Variants in POLR1B observed in about 807,000 individuals in gnomAD.
POLR1B encodes the protein DNA-directed RNA polymerase I subunit RPA2.
In POLR1B, 30 loss-of-function variants were observed where a neutral mutation model predicts 105.8. The observed-to-expected ratio is 0.28, with a 90% confidence interval of 0.21 to 0.38. POLR1B has a LOEUF of 0.38. Among genes scored for constraint, POLR1B ranks in the 10% least tolerant of loss-of-function variants. POLR1B has a pLI of 1.00. For missense variants in POLR1B, 976 were observed against 1,435.8 expected, an observed-to-expected ratio of 0.68 and a Z score of 5.17; for synonymous variants, 485 against 505.1, an observed-to-expected ratio of 0.96 and a Z score of 0.53.
intron 9 of POLR1B, among the ~76,000 whole-genome samples, chr2:112,561,620 TAGCC>T (rs1220790843): frequency 6.6e-6 from 1 of 152,190 alleles, no homozygotes; most frequent in Non-Finnish European, 1.5e-5. Context: ...GATCAATATG[TAGCC>T]TTGTTTTTTG....
chr2:112,553,050 TTAA>T (rs1425894898), intron 7 of POLR1B, among the ~76,000 whole-genome samples: 2 of 152,260 alleles, frequency 1.3e-5, no homozygotes, highest in African/African-American at 4.8e-5. Flanking sequence ...GGTCACAGTG[TTAA>T]TGATAAAAAG....
rs1367464827 is a variant in POLR1B at position 112,578,776 on chromosome 2, T to TA, written c.*3048dup. On this transcript the variant is annotated 3_prime_UTR_variant, in exon 15 of 15. Coordinates refer to ENST00000263331, the MANE Select transcript of POLR1B (RefSeq NM_019014.6). ...GTCCTCTATATATTTTTTCTATACA[T>TA]ACATACCTTTGATGTTTAATTAAGC... Among the ~76,000 whole-genome samples, 1 of 152,212 alleles carries TA rather than the reference T, an allele frequency of 6.6e-6. No individual in the cohort carries two copies. Among genetic ancestry groups the TA allele is most frequent in the African/African-American group, 2.4e-5 (1 of 41,454 alleles).
In POLR1B at chr2:112,579,461, C is replaced by G. The variant is rs1475374299; in HGVS notation, c.*3732C>G. 1.3e-5 allele frequency: 2 copies of G among 152,092 alleles called. No individual in the cohort carries two copies. The highest frequency in any genetic ancestry group is 2.9e-5 in the Non-Finnish European group (2 of 68,024). The allele number at this position is 152,092 out of a possible 1,614,324, so 9.4% of individuals were successfully genotyped here. A position where few individuals can be genotyped will look rare whatever the true frequency, so the allele number is the denominator to read the frequency against. On this transcript the variant is annotated 3_prime_UTR_variant, in exon 15 of 15. Coordinates refer to ENST00000263331, the MANE Select transcript of POLR1B (RefSeq NM_019014.6). Reference sequence around the variant, plus strand: ...ATTTCTTGGCATTCTGACCAACCAGCATTTGGTGATGTCACTTTTTTTTTA... The same window carrying G: ...ATTTCTTGGCATTCTGACCAACCAGGATTTGGTGATGTCACTTTTTTTTTA...
At chr2:112,563,609 C>A (rs972771129) in intron 9 of POLR1B, among the ~76,000 whole-genome samples, 2 of 152,110 alleles carry the variant, frequency 1.3e-5, no homozygotes, top group Non-Finnish European at 2.9e-5. Flanking sequence ...TCTCAAGAAA[C>A]CATTTCTGCT....
Position 112,563,116 on chromosome 2 carries a change from G to A in POLR1B, c.1613-1250G>A, listed in dbSNP as rs1397308171. 6.7e-5 allele frequency among the ~76,000 whole-genome samples: 10 copies of A among 149,164 alleles called. No homozygotes were observed. The East Asian group carries it at 1.2e-3, about 18-fold the overall frequency. On this transcript the variant is annotated intron_variant, in intron 9 of 14. Coordinates refer to ENST00000263331, the MANE Select transcript of POLR1B (RefSeq NM_019014.6). ...GTCACCCAGGCTGGAGTGCAGTGGCGTGATCTCGGCTCACTGTAAGCTCTG... is the reference window on the plus strand; with the variant it reads ...GTCACCCAGGCTGGAGTGCAGTGGCATGATCTCGGCTCACTGTAAGCTCTG...
At chr2:112,557,663 G>A (rs1389868798) in intron 7 of POLR1B, among the ~76,000 whole-genome samples, 1 of 152,132 alleles carries the variant, frequency 6.6e-6, no homozygotes, top group Non-Finnish European at 1.5e-5. Flanking sequence ...TGAAGCCTTA[G>A]GCTCCTGGAC....
rs1371201788 is a variant in POLR1B, at chr2:112,578,406, G to A, written c.*2677G>A. On this transcript the variant is annotated 3_prime_UTR_variant, in exon 15 of 15. Coordinates refer to ENST00000263331, the MANE Select transcript of POLR1B (RefSeq NM_019014.6). ...AATTTTCTTATTTCAAGAATCTTAC[G>A]TAAATAGGATCACGAAGTATAACCT... Among the ~76,000 whole-genome samples, 1 of 152,144 alleles carries A rather than the reference G, an allele frequency of 6.6e-6. No individual in the cohort carries two copies. Among genetic ancestry groups the A allele is most frequent in the Non-Finnish European group, 1.5e-5 (1 of 68,040 alleles).
At chr2:112,547,705 C>A in intron 3 of POLR1B, 138 bp downstream of exon 3, 1 of 875,180 alleles carries the variant, frequency 1.1e-6, no homozygotes, top group Non-Finnish European at 1.7e-6. Context: ...TGCCTGCATA[C>A]AGTGTATGGC....
intron 12 of POLR1B, among the ~76,000 whole-genome samples, chr2:112,570,467 T>C (rs759884983): frequency 1.2e-4 from 19 of 152,332 alleles, no homozygotes; most frequent in Admixed American, 2.6e-4. Context: ...AAGTGAGTCA[T>C]ATGTGATTTT....
At chr2:112,546,001 T>C (rs1018771761) in intron 1 of POLR1B, 4 of 158,944 alleles carry the variant, frequency 2.5e-5, no homozygotes, top group African/African-American at 9.6e-5. Flanking sequence ...GATAACATTT[T>C]AAAATTTAGA....
At chr2:112,549,582 C>A (rs929992367) in intron 4 of POLR1B, among the ~76,000 whole-genome samples, 183 bp downstream of exon 4, 3 of 146,378 alleles carry the variant, frequency 2.0e-5, no homozygotes, top group Non-Finnish European at 4.5e-5. Flanking sequence ...AGCAGTCCTT[C>A]TGCCTCAGCC....
intron 7 of POLR1B, among the ~76,000 whole-genome samples, chr2:112,556,351 T>G (rs1683662523): frequency 6.6e-6 from 1 of 152,246 alleles, no homozygotes; most frequent in African/African-American, 2.4e-5. Flanking sequence ...AGCAGTGTAC[T>G]TACAAATCCT....
At position 112,568,739 on chromosome 2, in the gene POLR1B, C is replaced by T; in HGVS notation, c.1918-7C>T. The T allele has an allele frequency of 6.2e-7, 1 of 1,613,664 alleles. No individual in the cohort carries two copies. The highest frequency in any genetic ancestry group is 8.5e-7 in the Non-Finnish European group (1 of 1,179,832). ...TTATTTTGTGCCTTGGACATCTGCT[C>T]TTCCAGATCTTCATGAATGTCGCTA... On this transcript the variant is annotated splice_region_variant and splice_polypyrimidine_tract_variant and intron_variant, in intron 11 of 14. Coordinates refer to ENST00000263331, the MANE Select transcript of POLR1B (RefSeq NM_019014.6).
At chr2:112,559,192 A>G (rs777037989) in intron 8 of POLR1B, 101 bp from the exon 9 acceptor site, 8 of 1,308,544 alleles carry the variant, frequency 6.1e-6, no homozygotes, top group Non-Finnish European at 8.5e-6. Flanking sequence ...AATTCATTCT[A>G]TGATCTGTAG....
In POLR1B at chr2:112,546,998, G is replaced by A. The variant is rs371884550; in HGVS notation, c.178-14G>A. On this transcript the variant is annotated splice_polypyrimidine_tract_variant and intron_variant, in intron 1 of 14. Coordinates refer to ENST00000263331, the MANE Select transcript of POLR1B (RefSeq NM_019014.6). ...GGAAATGCAAGCAATTTAATAGTGT[G>A]AATTGCATTTCAGGCTATACCTCCC... The A allele has an allele frequency of 1.4e-4, 223 of 1,613,092 alleles. No homozygotes were observed. The highest frequency in any genetic ancestry group is 1.8e-4 in the Non-Finnish European group (215 of 1,179,398).
chr2:112,542,455 CGTGTACCGAGAGACTGGCGTCCGGT>C (rs762432708), exon 1 of POLR1B: 25 of 1,425,320 alleles, frequency 1.8e-5, no homozygotes, highest in African/African-American at 2.6e-4. Flanking sequence ...TGGCGTCCGG[CGTGTACCGAGAGACTGGCGTCCGGT>C]GTGCAGGTGG....
At chr2:112,564,294 C>A in intron 9 of POLR1B, 72 bp from the exon 10 acceptor site, 1 of 1,558,322 alleles carries the variant, frequency 6.4e-7, no homozygotes, top group Non-Finnish European at 8.8e-7. Flanking sequence ...AGCTGTTGAC[C>A]CCATCTGGAG....
chr2:112,551,790 T>A lies in POLR1B; in HGVS notation c.778T>A (p.Ser260Thr). 3 of 1,613,632 alleles carry A rather than the reference T, an allele frequency of 1.9e-6. No individual in the cohort carries two copies. In the South Asian group the frequency reaches 3.3e-5, roughly 18 times the overall value. ...GFALKALVSF[S>T]DYQIFQELIK... Reference sequence around the variant, plus strand: ...TCTATTCTAGGCACTTGTCAGCTTTTCTGATTATCAGATCTTTCAGGAGCT... The same window carrying A: ...TCTATTCTAGGCACTTGTCAGCTTTACTGATTATCAGATCTTTCAGGAGCT... Residue 260 changes from serine (S) to threonine (T), a missense_variant, in exon 6 of 15, where the codon TCT (serine) becomes ACT (threonine). Coordinates refer to ENST00000263331, the MANE Select transcript of POLR1B (RefSeq NM_019014.6).
chr2:112,542,390 C>A, upstream of POLR1B: 2 of 1,609,120 alleles, frequency 1.2e-6, no homozygotes, highest in Non-Finnish European at 1.7e-6. Context: ...CTACATTTCC[C>A]AGCAGGCTGC....
Sources: allele counts gnomAD v4.1 joint callset (sites outside exome capture counted in the v4.1 genomes callset), GRCh38; gene constraint gnomAD v4.1.1; transcripts MANE v1.5; gene names NCBI Gene and HGNC (gene_info 2026-07-23, HGNC 2026-07-21).